The following EYA4 variants were observed in gnomAD, a reference collection of about 807,000 sequenced individuals.
EYA4 encodes EYA transcriptional coactivator and phosphatase 4.
EYA4 carries 31 observed loss-of-function variants against 87.9 expected under a neutral mutation model. That is an observed-to-expected ratio of 0.35 (90% CI 0.27 to 0.48). The LOEUF (loss-of-function observed/expected upper bound fraction) is 0.48. Among genes scored for constraint, EYA4 ranks in the 20% least tolerant of loss-of-function variants. The pLI is 0.99. For missense variants in EYA4, 678 were observed against 761.4 expected (o/e 0.89, Z 1.29); for synonymous variants, 263 against 270.6 (o/e 0.97, Z 0.28).
In EYA4 at chr6:133,357,527, A is replaced by G. The variant is rs189831911; in HGVS notation, c.34-24865A>G. On this transcript the variant is annotated intron_variant, in intron 2 of 19. Transcript: ENST00000355286. ...AATTTTTGAACTGAAGAAATTATTC[A>G]GAAAAATTCCCCAAATATCCTTCCA... 3.5e-3 allele frequency among the ~76,000 whole-genome samples: 526 copies of G among 152,330 alleles called. 2 individuals are homozygous for G. The highest frequency in any genetic ancestry group is 0.012 in the African/African-American group (493 of 41,574).
chr6:133,292,941 G>C (rs888447868), intron 2 of EYA4, among the ~76,000 whole-genome samples: 2 of 152,174 alleles, frequency 1.3e-5, no homozygotes, highest in Admixed American at 6.5e-5. Flanking sequence ...GTATAATGAA[G>C]TATAAAAAAG....
At position 133,529,624 on chromosome 6, in the gene EYA4, A is replaced by AT. The variant is rs1042656068; in HGVS notation, c.*825dup. 21 of 985,354 alleles carry AT rather than the reference A, an allele frequency of 2.1e-5. No homozygotes were observed. The highest frequency in any genetic ancestry group is 2.5e-5 in the Non-Finnish European group (21 of 829,760). The allele number at this position is 985,354 out of a possible 1,614,324, so 61.0% of individuals were successfully genotyped here. A position where few individuals can be genotyped will look rare whatever the true frequency, so the allele number is the denominator to read the frequency against. Reference sequence around the variant, plus strand: ...TTACCGCATCAGCAAGAAACTGAGTATTTTTTGCAATAAGAAAACAACAAT... The same window carrying AT: ...TTACCGCATCAGCAAGAAACTGAGTATTTTTTTGCAATAAGAAAACAACAAT... On this transcript the variant is annotated 3_prime_UTR_variant, in exon 20 of 20. Coordinates refer to ENST00000355286, the MANE Select transcript of EYA4 (RefSeq NM_004100.5).
At chr6:133,466,951 CATTTA>C (rs1794905471) in intron 10 of EYA4, among the ~76,000 whole-genome samples, 2 of 151,978 alleles carry the variant, frequency 1.3e-5, no homozygotes, top group South Asian at 4.2e-4. Flanking sequence ...AAAATTACAT[CATTTA>C]ATTTATGTTT....
intron 3 of EYA4, among the ~76,000 whole-genome samples, chr6:133,393,741 A>G (rs1787506587): frequency 6.6e-6 from 1 of 152,160 alleles, no homozygotes; most frequent in African/African-American, 2.4e-5. Flanking sequence ...GTCTTGGACT[A>G]ATTGCCTCTT....
chr6:133,481,440 G>T, intron 11 of EYA4, 23 bp from the exon 12 acceptor site: 2 of 1,611,266 alleles, frequency 1.2e-6, no homozygotes, highest in South Asian at 2.2e-5. Flanking sequence ...TGCTATTCTT[G>T]ACCTAAGTCA....
At chr6:133,312,070 G>GT (rs1780265685) in intron 2 of EYA4, among the ~76,000 whole-genome samples, 1 of 152,194 alleles carries the variant, frequency 6.6e-6, no homozygotes, top group Non-Finnish European at 1.5e-5. Context: ...GAGGTGATGA[G>GT]TGGGAGTACA....
chr6:133,351,775 C>T (rs1783658760), intron 2 of EYA4, among the ~76,000 whole-genome samples: 1 of 152,088 alleles, frequency 6.6e-6, no homozygotes, highest in Non-Finnish European at 1.5e-5. Flanking sequence ...AGATTCTTTT[C>T]CCATAACATT....
intron 7 of EYA4, among the ~76,000 whole-genome samples, chr6:133,461,710 A>C (rs1794397662): frequency 6.6e-6 from 1 of 152,002 alleles, no homozygotes; most frequent in South Asian, 2.1e-4. Flanking sequence ...TATTTTCTGC[A>C]GCATCTAGAG....
intron 3 of EYA4, among the ~76,000 whole-genome samples, chr6:133,385,070 C>T (rs908011659): frequency 2.6e-5 from 4 of 151,782 alleles, no homozygotes; most frequent in East Asian, 1.9e-4. Context: ...GAGGCCGAGG[C>T]GGGCAGATGA....
chr6:133,457,728 C>T (rs1794028667), intron 6 of EYA4, among the ~76,000 whole-genome samples: 1 of 152,142 alleles, frequency 6.6e-6, no homozygotes, highest in South Asian at 2.1e-4. Context: ...ACCTGCCTCT[C>T]AGGAGATAGT....
At chr6:133,292,816 T>A (rs747806106) in intron 2 of EYA4, among the ~76,000 whole-genome samples, 7 of 152,232 alleles carry the variant, frequency 4.6e-5, no homozygotes, top group Non-Finnish European at 7.3e-5. Context: ...TTTTCCTGAA[T>A]GTCAACCCTT....
intron 2 of EYA4, among the ~76,000 whole-genome samples, chr6:133,289,040 C>A (rs1284905029): frequency 6.6e-6 from 1 of 152,158 alleles, no homozygotes; most frequent in Non-Finnish European, 1.5e-5. Flanking sequence ...AGAAGAGACA[C>A]AGAACAGCAA....
intron 10 of EYA4, among the ~76,000 whole-genome samples, chr6:133,465,145 T>C (rs1794737478): frequency 6.6e-6 from 1 of 152,124 alleles, no homozygotes; most frequent in Non-Finnish European, 1.5e-5. Context: ...GATATTTTGC[T>C]ATCTTAAAAT....
At chr6:133,247,063 A>T (rs1774467891) in intron 1 of EYA4, 1 of 152,208 alleles carries the variant, frequency 6.6e-6, no homozygotes, top group East Asian at 1.9e-4. Flanking sequence ...TATTAGAAAA[A>T]TTTGTTAAAT....
intron 1 of EYA4, among the ~76,000 whole-genome samples, chr6:133,260,429 G>A (rs922237410): frequency 1.3e-5 from 2 of 152,074 alleles, no homozygotes; most frequent in African/African-American, 4.8e-5. Flanking sequence ...GTAGAAAAGG[G>A]GTTTCGCCAT....
chr6:133,446,546 G>A (rs1792862511), intron 3 of EYA4, 84 bp from the exon 4 acceptor site: 17 of 1,461,310 alleles, frequency 1.2e-5, no homozygotes, highest in South Asian at 5.7e-5. Context: ...GTGAGATCAC[G>A]TGGTCAATAG....
At chr6:133,483,397 T>C (rs1360648332) in intron 13 of EYA4, among the ~76,000 whole-genome samples, 1 of 151,998 alleles carries the variant, frequency 6.6e-6, no homozygotes, top group Non-Finnish European at 1.5e-5. Flanking sequence ...AGAAAAAAAA[T>C]TGTAAATCGA....
chr6:133,408,495 A>C (rs188611642), intron 3 of EYA4, among the ~76,000 whole-genome samples: 10 of 152,336 alleles, frequency 6.6e-5, no homozygotes, highest in African/African-American at 2.4e-4. Context: ...TTGGAAAAAA[A>C]AATTAAATTT....
At chr6:133,453,158 G>C (rs945028768) in intron 5 of EYA4, 1 of 151,904 alleles carries the variant, frequency 6.6e-6, no homozygotes, top group Non-Finnish European at 1.5e-5. Context: ...TTTGGAATAA[G>C]GATTTTTACA....
Sources: allele counts gnomAD v4.1 joint callset (sites outside exome capture counted in the v4.1 genomes callset), GRCh38; gene constraint gnomAD v4.1.1; transcripts MANE v1.5; gene names NCBI Gene and HGNC (gene_info 2026-07-23, HGNC 2026-07-21).